Variants in MALRD1 observed in about 807,000 individuals in gnomAD.
The protein encoded by MALRD1 is MAM and LDL receptor class A domain containing 1.
A neutral mutation model predicts 242.1 loss-of-function variants in MALRD1; 247 were observed. The ratio of observed to expected loss-of-function variants is 1.02; its 90% CI spans 0.92 to 1.13. The LOEUF is 1.13. Among genes scored for constraint, MALRD1 ranks in the 50% most tolerant of loss-of-function variants. MALRD1 has a pLI of 0.00. For missense variants in MALRD1, 2,989 were observed against 2,533.1 expected (o/e 1.18, Z -3.86); for synonymous variants, 995 against 866.6 (o/e 1.15, Z -2.60).
chr10:19,692,151 T>C, intron 36 of MALRD1, 131 bp from the exon 37 acceptor site: 1 of 706,932 alleles, frequency 1.4e-6, no homozygotes, highest in Non-Finnish European at 2.1e-6. Flanking sequence ...TTTTTGGTTT[T>C]TTATCAAAGT....
chr10:19,160,023 A>AT (rs1196907810), intron 12 of MALRD1, among the ~76,000 whole-genome samples: 1 of 152,178 alleles, frequency 6.6e-6, no homozygotes, highest in Non-Finnish European at 1.5e-5. Flanking sequence ...ACCACATGAA[A>AT]TTCTCTTGAA....
intron 18 of MALRD1, among the ~76,000 whole-genome samples, chr10:19,256,974 A>T (rs968088163): frequency 1.3e-5 from 2 of 152,128 alleles, no homozygotes; most frequent in East Asian, 1.9e-4. Context: ...AAGTATTAAA[A>T]TAATTCATCA....
chr10:19,048,763 T>G (rs1282956704), upstream of MALRD1: 4 of 423,538 alleles, frequency 9.4e-6, no homozygotes, highest in African/African-American at 8.2e-5. Context: ...AGTCACTCCT[T>G]TGAAAGAGCA....
intron 2 of MALRD1, among the ~76,000 whole-genome samples, chr10:19,078,977 T>C (rs937105604): frequency 2.6e-5 from 4 of 151,558 alleles, no homozygotes; most frequent in Non-Finnish European, 5.9e-5. Context: ...GTTTCTTAAT[T>C]TTTTTATTGT....
At chr10:19,211,881 C>T (rs1422788551) in intron 18 of MALRD1, among the ~76,000 whole-genome samples, 2 of 151,936 alleles carry the variant, frequency 1.3e-5, no homozygotes, top group African/African-American at 2.4e-5. Context: ...ATAGGAGGTA[C>T]TCATTCTGTG....
intron 18 of MALRD1, among the ~76,000 whole-genome samples, chr10:19,230,546 C>A (rs1013387619): frequency 3.9e-5 from 6 of 152,132 alleles, no homozygotes; most frequent in African/African-American, 1.4e-4. Flanking sequence ...TCATTCATTA[C>A]CAAGAGGACA....
At chr10:19,616,633 T>C (rs1839170718) in intron 36 of MALRD1, among the ~76,000 whole-genome samples, 1 of 151,978 alleles carries the variant, frequency 6.6e-6, no homozygotes, top group Non-Finnish European at 1.5e-5. Context: ...AGAAAACTCA[T>C]TGAAGGTTGC....
intron 31 of MALRD1, among the ~76,000 whole-genome samples, chr10:19,525,485 G>T (rs1284187281): frequency 6.6e-6 from 1 of 152,112 alleles, no homozygotes; most frequent in Non-Finnish European, 1.5e-5. Flanking sequence ...ACACTTTGAT[G>T]CTGAATTTAT....
intron 28 of MALRD1, among the ~76,000 whole-genome samples, chr10:19,389,993 G>A (rs1322624537): frequency 6.6e-6 from 1 of 152,152 alleles, no homozygotes; most frequent in Non-Finnish European, 1.5e-5. Context: ...GCCTGAGGGA[G>A]TTGACTTGGC....
At chr10:19,523,105 C>T (rs1833952450) in intron 31 of MALRD1, among the ~76,000 whole-genome samples, 1 of 152,080 alleles carries the variant, frequency 6.6e-6, no homozygotes, top group African/African-American at 2.4e-5. Context: ...ACCACAACCC[C>T]ATGAGGCTGA....
Position 19,283,201 on chromosome 10 carries a change from G to T in MALRD1, c.3419+20G>T. 1 of 1,498,130 alleles carries T rather than the reference G, an allele frequency of 6.7e-7. No homozygotes were observed. Among genetic ancestry groups the T allele is most frequent in the South Asian group, 1.3e-5 (1 of 76,442 alleles). 92.8% of individuals were successfully genotyped at this position (1,498,130 alleles called of 1,614,324 possible). ...TACACAGTAAGTGACCATGTATTTT[G>T]AATATCTCTCTTGGGAAATATTTAT... On this transcript the variant is annotated intron_variant, in intron 21 of 39. Coordinates refer to ENST00000454679, the MANE Select transcript of MALRD1 (RefSeq NM_001142308.3).
chr10:19,578,884 C>G (rs1298024954), intron 33 of MALRD1, among the ~76,000 whole-genome samples: 1 of 152,048 alleles, frequency 6.6e-6, no homozygotes, highest in Non-Finnish European at 1.5e-5. Context: ...CATCTTCGTA[C>G]TTGAGCCATC....
chr10:19,229,446 G>A (rs1837954079), intron 18 of MALRD1, among the ~76,000 whole-genome samples: 1 of 152,070 alleles, frequency 6.6e-6, no homozygotes, highest in African/African-American at 2.4e-5. Context: ...AGGAGAGAAG[G>A]CAATGGCTCT....
intron 33 of MALRD1, among the ~76,000 whole-genome samples, chr10:19,588,406 C>G (rs1273026090): frequency 6.6e-6 from 1 of 152,154 alleles, no homozygotes; most frequent in East Asian, 1.9e-4. Flanking sequence ...AGTGTATTCT[C>G]AAAGAGAGGT....
chr10:19,123,956 A>C (rs1023034818), intron 6 of MALRD1, among the ~76,000 whole-genome samples: 4 of 151,804 alleles, frequency 2.6e-5, no homozygotes, highest in African/African-American at 9.7e-5. Flanking sequence ...CTGTAATCCC[A>C]GCACTTTGGG....
chr10:19,239,693 G>T (rs1040253136), intron 18 of MALRD1, among the ~76,000 whole-genome samples: 2 of 152,090 alleles, frequency 1.3e-5, no homozygotes, highest in African/African-American at 2.4e-5. Context: ...AAAGATAGGG[G>T]TCTAATTTCA....
At chr10:19,134,914 C>G (rs1833275862) in intron 9 of MALRD1, among the ~76,000 whole-genome samples, 1 of 151,878 alleles carries the variant, frequency 6.6e-6, no homozygotes, top group African/African-American at 2.4e-5. Context: ...TTTTGAACCT[C>G]AAATTGATAT....
intron 26 of MALRD1, 62 bp downstream of exon 26, chr10:19,352,359 A>T (rs1423638532): frequency 7.0e-7 from 1 of 1,435,530 alleles, no homozygotes; most frequent in Admixed American, 2.1e-5. Flanking sequence ...AAAGGAAGAA[A>T]GAAAATGCAA....
chr10:19,401,451 G>A (rs1280821105), intron 28 of MALRD1, among the ~76,000 whole-genome samples: 1 of 152,092 alleles, frequency 6.6e-6, no homozygotes, highest in Non-Finnish European at 1.5e-5. Flanking sequence ...TAATCGAATT[G>A]AAAACTAATC....
Sources: allele counts gnomAD v4.1 joint callset (sites outside exome capture counted in the v4.1 genomes callset), GRCh38; gene constraint gnomAD v4.1.1; transcripts MANE v1.5; gene names NCBI Gene and HGNC (gene_info 2026-07-23, HGNC 2026-07-21).